Variants in PAQR5 observed in about 807,000 individuals in gnomAD.
PAQR5 encodes the protein progestin and adipoQ receptor family member 5, also known as membrane progestin receptor gamma.
Under a neutral mutation model 34.5 loss-of-function variants are expected in PAQR5, and 20 were observed. The ratio of observed to expected loss-of-function variants is 0.58; its 90% CI spans 0.41 to 0.84. PAQR5 has a LOEUF of 0.84. PAQR5 is among the 40% of genes least tolerant of loss of function. The pLI is 0.00. For synonymous variants in PAQR5, 131 were observed against 155.6 expected (o/e 0.84, Z 1.18); for missense variants, 378 against 412.7 (o/e 0.92, Z 0.73).
At chr15:69,339,675 G>A (rs374490582) in intron 2 of PAQR5, among the ~76,000 whole-genome samples, 46 of 152,224 alleles carry the variant, frequency 3.0e-4, no homozygotes, top group African/African-American at 1.0e-3. Flanking sequence ...GTTTCACCAT[G>A]TTGTCCAGGC....
At position 69,303,493 on chromosome 15, in the gene PAQR5, T is replaced by C. The variant is rs146408197; in HGVS notation, c.-277+4437T>C. ...CTCCCAAGGCAGCCAATTCCTCTGCTAGTGAGTTCTCTCTTGGTGAAAATA... is the reference window on the plus strand; with the variant it reads ...CTCCCAAGGCAGCCAATTCCTCTGCCAGTGAGTTCTCTCTTGGTGAAAATA... On this transcript the variant is annotated intron_variant, in intron 1 of 8. Coordinates refer to ENST00000395407, the MANE Select transcript of PAQR5 (RefSeq NM_017705.4). 3.5e-3 allele frequency among the ~76,000 whole-genome samples: 537 copies of C among 151,956 alleles called. 4 individuals are homozygous for C. The highest frequency in any genetic ancestry group is 0.013 in the African/African-American group (524 of 41,422).
chr15:69,381,328 C>T (rs1480106702), intron 4 of PAQR5, among the ~76,000 whole-genome samples: 1 of 152,182 alleles, frequency 6.6e-6, no homozygotes, highest in African/African-American at 2.4e-5. Flanking sequence ...ACAGCATCTG[C>T]CTCTTTCCCT....
intron 3 of PAQR5, among the ~76,000 whole-genome samples, chr15:69,378,764 G>A (rs929099641): frequency 6.6e-6 from 1 of 152,136 alleles, no homozygotes; most frequent in South Asian, 2.1e-4. Context: ...ACCTGGGGGC[G>A]ATTTTTGCCC....
intron 1 of PAQR5, among the ~76,000 whole-genome samples, chr15:69,309,372 G>T (rs75182120): frequency 2.0e-5 from 3 of 152,188 alleles, no homozygotes; most frequent in Non-Finnish European, 4.4e-5. Context: ...AAGTGCATGA[G>T]GACTGAGAAG....
chr15:69,353,748 A>G (rs1235303630), intron 2 of PAQR5, among the ~76,000 whole-genome samples: 1 of 152,194 alleles, frequency 6.6e-6, no homozygotes, highest in Non-Finnish European at 1.5e-5. Flanking sequence ...AGTGACCCAC[A>G]AACAAAATTT....
chr15:69,340,167 C>T (rs2054608564), intron 2 of PAQR5, among the ~76,000 whole-genome samples: 1 of 152,076 alleles, frequency 6.6e-6, no homozygotes, highest in South Asian at 2.1e-4. Flanking sequence ...TGCCCGGCCT[C>T]ACATTAACAC....
At chr15:69,339,015 C>T (rs2054573785) in intron 2 of PAQR5, among the ~76,000 whole-genome samples, 1 of 152,168 alleles carries the variant, frequency 6.6e-6, no homozygotes, top group South Asian at 2.1e-4. Flanking sequence ...TTTGCAGACC[C>T]TGCACTTGAT....
intron 2 of PAQR5, among the ~76,000 whole-genome samples, chr15:69,344,921 C>A (rs2054728745): frequency 6.6e-6 from 1 of 152,052 alleles, no homozygotes; most frequent in Non-Finnish European, 1.5e-5. Flanking sequence ...CATGGTGAAA[C>A]CTTGTTTCTA....
chr15:69,391,876 G>C, intron 6 of PAQR5: 2 of 374,374 alleles, frequency 5.3e-6, no homozygotes, highest in Non-Finnish European at 1.1e-5. Context: ...GGCCAATGTG[G>C]TGAAAACCTG....
In PAQR5 at chr15:69,385,884, C is replaced by T. The variant is rs987272189; in HGVS notation, c.385+1002C>T. 6.6e-6 allele frequency among the ~76,000 whole-genome samples: 1 copy of T among 151,290 alleles called. No individual in the cohort carries two copies. Among genetic ancestry groups the T allele is most frequent in the African/African-American group, 2.4e-5 (1 of 41,122 alleles). ...ACACACACACCACATGCCACATGTA[C>T]TCACACATTGACACACACACAATAC... On this transcript the variant is annotated intron_variant, in intron 5 of 8. Transcript: ENST00000395407. This position sits in a 1 kb window ranked among gnomAD's most constrained non-coding sequence, Gnocchi z 4.7.
At chr15:69,347,191 G>C (rs1205142958) in intron 2 of PAQR5, among the ~76,000 whole-genome samples, 1 of 152,188 alleles carries the variant, frequency 6.6e-6, no homozygotes, top group Non-Finnish European at 1.5e-5. Context: ...ATTAGCAAGA[G>C]AGTTCTTATT....
intron 2 of PAQR5, among the ~76,000 whole-genome samples, chr15:69,358,100 C>T (rs959570987): frequency 6.6e-6 from 1 of 152,026 alleles, no homozygotes; most frequent in Non-Finnish European, 1.5e-5. Context: ...TAGACTTTGG[C>T]CCAGTGATGA....
rs1042090612 is a variant in PAQR5 at position 69,404,957 on chromosome 15, A to G, written c.*1135A>G. The G allele has an allele frequency of 5.0e-6, 2 of 398,476 alleles. No homozygotes were observed. Among genetic ancestry groups the G allele is most frequent in the Non-Finnish European group, 8.8e-6 (2 of 226,054 alleles). The allele number at this position is 398,476 out of a possible 1,614,324, so 24.7% of individuals were successfully genotyped here. On this transcript the variant is annotated 3_prime_UTR_variant, in exon 9 of 9. Transcript: ENST00000395407. ...GAGGGCCAGAGGCCAAACTTGAAGA[A>G]CTGCTGGTGTTACATGTTCCAAAAG...
chr15:69,386,625 C>A (rs2056117993), intron 5 of PAQR5, among the ~76,000 whole-genome samples: 1 of 151,688 alleles, frequency 6.6e-6, no homozygotes, highest in Non-Finnish European at 1.5e-5. Context: ...CCTCCATGTC[C>A]CCCCTCCCCT....
Position 69,405,662 on chromosome 15 carries a change from A to G in PAQR5, c.*1840A>G, listed in dbSNP as rs754876321. On this transcript the variant is annotated 3_prime_UTR_variant, in exon 9 of 9. Transcript: ENST00000395407. Reference sequence around the variant, plus strand: ...AAATACCCCTTTCTAGTAATGCCAAAGACATACAGTGTTTTACATTCTCTC... The same window carrying G: ...AAATACCCCTTTCTAGTAATGCCAAGGACATACAGTGTTTTACATTCTCTC... The G allele has an allele frequency of 6.6e-6, 1 of 152,346 alleles. No homozygotes were observed. Among genetic ancestry groups the G allele is most frequent in the African/African-American group, 2.4e-5 (1 of 41,578 alleles). 9.4% of individuals were successfully genotyped at this position (152,346 alleles called of 1,614,324 possible).
At chr15:69,350,651 A>T (rs940383553) in intron 2 of PAQR5, among the ~76,000 whole-genome samples, 24 of 149,270 alleles carry the variant, frequency 1.6e-4, no homozygotes, top group Admixed American at 4.7e-4. Flanking sequence ...TCAAAAAAAT[A>T]AAAAAAATTA....
intron 3 of PAQR5, 119 bp downstream of exon 3, chr15:69,360,250 A>G: frequency 1.6e-6 from 1 of 632,430 alleles, no homozygotes; most frequent in Non-Finnish European, 2.8e-6. Flanking sequence ...CCCTTCAAGG[A>G]CCCCTTCCCA....
chr15:69,307,172 G>T (rs1272234893), intron 1 of PAQR5, among the ~76,000 whole-genome samples: 2 of 150,922 alleles, frequency 1.3e-5, no homozygotes, highest in Admixed American at 1.3e-4. Flanking sequence ...TCGGCTTGTT[G>T]CACCCTCCAC....
rs747283163 is a variant in PAQR5, at chr15:69,397,306, G to A, written c.513-162G>A. The A allele has an allele frequency of 2.1e-5, 15 of 708,332 alleles. No individual in the cohort carries two copies. In the Admixed American group the frequency reaches 3.0e-4, roughly 14 times the overall value. The allele number at this position is 708,332 out of a possible 1,614,324, so 43.9% of individuals were successfully genotyped here. ...TTTTGTCACTTCCATTGGGGTGGGA[G>A]GAATGGACGAGGCTGGTGGAGAAGC... On this transcript the variant is annotated intron_variant, in intron 6 of 8. Coordinates refer to ENST00000395407, the MANE Select transcript of PAQR5 (RefSeq NM_017705.4).
Sources: gnomAD v4.1 joint callset for allele counts (sites outside exome capture counted in the v4.1 genomes callset) on GRCh38, gnomAD v4.1.1 for gene constraint, Gnocchi (gnomAD v3.1) non-coding constraint, MANE v1.5 for transcripts, NCBI Gene and HGNC (gene_info 2026-07-23, HGNC 2026-07-21) for gene names.